Variants in ZNF8 observed in about 807,000 individuals in gnomAD.
ZNF8 encodes the protein zinc finger protein 8, also known as zinc finger protein 272.
ZNF8 carries 9 observed loss-of-function variants against 12.2 expected under a neutral mutation model. That is an observed-to-expected ratio of 0.73 (90% CI 0.44 to 1.28). The LOEUF (loss-of-function observed/expected upper bound fraction) is 1.28, where lower values mean the gene tolerates loss of function less well. ZNF8 is among the 50% of genes most tolerant of loss of function. The pLI, the probability that ZNF8 is intolerant of heterozygous loss-of-function variation, is 0.00. For synonymous variants in ZNF8, 274 were observed against 282.3 expected (o/e 0.97, Z 0.30); for missense variants, 664 against 729.1 (o/e 0.91, Z 1.03).
chr19:58,291,074 C>G (rs1344433995), intron 3 of ZNF8, among the ~76,000 whole-genome samples: 1 of 152,166 alleles, frequency 6.6e-6, no homozygotes. Context: ...CCAGGCAGAT[C>G]CCACTCCCAG....
Position 58,294,735 on chromosome 19 carries a change from A to C in ZNF8, c.927A>C (p.Gly309=), listed in dbSNP as rs570466227. Residue 309 remains glycine, a synonymous_variant, in exon 4 of 4, where the codon GGA becomes GGC. Coordinates refer to ENST00000621650, the MANE Select transcript of ZNF8 (RefSeq NM_021089.3). The surrounding 1 kb of genome is among the most constrained non-coding windows in gnomAD (Gnocchi z 5.5). ...SLVQHERIHT[G]DKPYKCAECG... ...TCCAGCATGAGCGCATCCACACTGGAGACAAGCCCTACAAGTGTGCCGAAT... is the reference window on the plus strand; with the variant it reads ...TCCAGCATGAGCGCATCCACACTGGCGACAAGCCCTACAAGTGTGCCGAAT... 39 of 1,614,098 alleles carry C rather than the reference A, an allele frequency of 2.4e-5. 1 individual carries two copies. The South Asian group carries it at 4.1e-4, about 17-fold the overall frequency.
At position 58,294,202 on chromosome 19, in the gene ZNF8, C is replaced by T. The variant is rs750410656; in HGVS notation, c.394C>T (p.Pro132Ser). 5 of 1,614,058 alleles carry T rather than the reference C, an allele frequency of 3.1e-6. No homozygotes were observed. The African/African-American group carries it at 4.0e-5, about 13-fold the overall frequency. The change falls in exon 4 of 4, where the codon CCT becomes TCT. Residue 132 changes from proline (P) to serine (S), a missense_variant. Pro to Ser is a moderately conservative substitution (Grantham distance 74, BLOSUM62 -1). This residue lies in a region of ZNF8 where 306 missense variants were observed against 308.7 expected (regional missense o/e 0.99). Coordinates refer to ENST00000621650, the MANE Select transcript of ZNF8 (RefSeq NM_021089.3). This position sits in a 1 kb window ranked among gnomAD's most constrained non-coding sequence, Gnocchi z 5.5. ...AAGGGAAGGATTCCCGACAGATGCT[C>T]CTTATCCCACCACGTTAGGGAAAGA... ...TGREGFPTDA[P>S]YPTTLGKDRE...
In ZNF8 at chr19:58,279,113, T is replaced by C. The variant is rs767491576; in HGVS notation, c.32T>C (p.Val11Ala). The C allele has an allele frequency of 1.3e-6, 2 of 1,548,492 alleles. No individual in the cohort carries two copies. Among genetic ancestry groups the C allele is most frequent in the East Asian group, 4.8e-5 (2 of 41,636 alleles). ...CCCGAGGACGAAGGGGTAGCGGGAG[T>C]GATGTCTGTGGGGCCGCCGGCGGCC... Reference protein sequence around the residue: MDPEDEGVAGVMSVGPPAARL... With the variant: MDPEDEGVAGAMSVGPPAARL... The change falls in exon 1 of 4, where the codon GTG becomes GCG. Residue 11 changes from valine (V) to alanine (A), a missense_variant. Coordinates refer to ENST00000621650, the MANE Select transcript of ZNF8 (RefSeq NM_021089.3).
intron 1 of ZNF8, chr19:58,279,698 C>T (rs756252575): frequency 6.5e-7 from 1 of 1,528,704 alleles, no homozygotes; most frequent in East Asian, 2.5e-5. Flanking sequence ...CCAGGGTCGT[C>T]CCCTGCGAGA....
chr19:58,293,894 C>G (rs531314494), intron 3 of ZNF8, among the ~76,000 whole-genome samples: 1 of 152,304 alleles, frequency 6.6e-6, no homozygotes, highest in South Asian at 2.1e-4. Context: ...AGTGCATGGC[C>G]CACAGCAGGT....
intron 3 of ZNF8, among the ~76,000 whole-genome samples, chr19:58,290,745 A>G (rs983151991): frequency 6.6e-6 from 1 of 152,100 alleles, no homozygotes; most frequent in Non-Finnish European, 1.5e-5. Context: ...TGAGCAACAG[A>G]GCATTAAAAA....
chr19:58,279,420 G>T, intron 1 of ZNF8: 1 of 1,447,246 alleles, frequency 6.9e-7, no homozygotes, highest in Admixed American at 2.6e-5. Flanking sequence ...AGAGAATCGA[G>T]CAGGCCCATC....
chr19:58,281,568 C>T (rs2051350757), intron 1 of ZNF8, among the ~76,000 whole-genome samples: 1 of 152,012 alleles, frequency 6.6e-6, no homozygotes. Context: ...TAGGCTGTCA[C>T]CAGTGACTCT....
chr19:58,291,182 C>G (rs1051669384), intron 3 of ZNF8, among the ~76,000 whole-genome samples: 12 of 152,204 alleles, frequency 7.9e-5, no homozygotes, highest in African/African-American at 2.7e-4. Context: ...TACTGGTTCC[C>G]TCTTGCGGTT....
chr19:58,290,896 C>CA (rs892822119), intron 3 of ZNF8, among the ~76,000 whole-genome samples: 1 of 152,054 alleles, frequency 6.6e-6, no homozygotes, highest in South Asian at 2.1e-4. Context: ...ACAAAAAATG[C>CA]AAAAAAATTA....
Position 58,279,096 on chromosome 19 carries a change from C to A in ZNF8, c.15C>A (p.Asp5Glu). The change falls in exon 1 of 4, where the codon GAC becomes GAA. Residue 5 changes from aspartate (D) to glutamate (E), a missense_variant. Transcript: ENST00000621650. Reference sequence around the variant, plus strand: ...GGCGATCCAGCATGGACCCCGAGGACGAAGGGGTAGCGGGAGTGATGTCTG... The same window carrying A: ...GGCGATCCAGCATGGACCCCGAGGAAGAAGGGGTAGCGGGAGTGATGTCTG... The part of the protein sequence containing the change: MDPE[D>E]EGVAGVMSVG... 6.5e-7 allele frequency: 1 copy of A among 1,534,516 alleles called. No individual in the cohort carries two copies.
In ZNF8 at chr19:58,294,332, C is replaced by G; in HGVS notation, c.524C>G (p.Thr175Ser). 2 of 1,614,170 alleles carry G rather than the reference C, an allele frequency of 1.2e-6. No individual in the cohort carries two copies. The highest frequency in any genetic ancestry group is 1.7e-6 in the Non-Finnish European group (2 of 1,180,030). ...CCAGTTCAAGATCAAGGCTACAAAA[C>G]TCTCAGACTCAGGGAAAACTGCGTC... Reference protein sequence around the residue: ...EAPVQDQGYKTLRLRENCVLS... With the variant: ...EAPVQDQGYKSLRLRENCVLS... Residue 175 changes from threonine to serine, a missense_variant, in exon 4 of 4, where the codon ACT becomes AGT. Physicochemically the swap from Thr to Ser is moderately conservative, Grantham distance 58. Transcript: ENST00000621650. The surrounding 1 kb of genome is among the most constrained non-coding windows in gnomAD (Gnocchi z 5.5).
At chr19:58,279,373 G>C (rs1411717059) in intron 1 of ZNF8, 1 of 1,457,204 alleles carries the variant, frequency 6.9e-7, no homozygotes, top group African/African-American at 1.4e-5. Context: ...GCTCCACGCG[G>C]CTCTGTCCTC....
At chr19:58,290,404 G>C (rs1431841090) in intron 3 of ZNF8, among the ~76,000 whole-genome samples, 2 of 152,034 alleles carry the variant, frequency 1.3e-5, no homozygotes, top group Non-Finnish European at 2.9e-5. Context: ...GTGAGCCACC[G>C]CGCCCGGCCA....
At chr19:58,282,502 T>G (rs2051356622) in intron 1 of ZNF8, among the ~76,000 whole-genome samples, 1 of 152,252 alleles carries the variant, frequency 6.6e-6, no homozygotes, top group South Asian at 2.1e-4. Context: ...TCCAATTGAT[T>G]ACATTTAGTT....
At chr19:58,281,039 T>G (rs1167077598) in intron 1 of ZNF8, among the ~76,000 whole-genome samples, 1 of 152,200 alleles carries the variant, frequency 6.6e-6, no homozygotes, top group East Asian at 1.9e-4. Context: ...TTACCATATA[T>G]AGTAATATTC....
chr19:58,290,818 A>G (rs2051414950), intron 3 of ZNF8, among the ~76,000 whole-genome samples: 1 of 152,172 alleles, frequency 6.6e-6, no homozygotes, highest in Non-Finnish European at 1.5e-5. Flanking sequence ...TGGGAGGCCG[A>G]GGCGGGTGGT....
chr19:58,279,602 C>A, intron 1 of ZNF8: 1 of 1,533,914 alleles, frequency 6.5e-7, no homozygotes, highest in Non-Finnish European at 8.7e-7. Context: ...GACCCCAGCA[C>A]CGCGGAGCCC....
chr19:58,279,694 T>G (rs1307864902), intron 1 of ZNF8: 1 of 1,529,526 alleles, frequency 6.5e-7, no homozygotes, highest in Non-Finnish European at 8.7e-7. Flanking sequence ...ACCACCAGGG[T>G]CGTCCCCTGC....
Sources: allele counts gnomAD v4.1 joint callset (sites outside exome capture counted in the v4.1 genomes callset), GRCh38; gene constraint gnomAD v4.1.1; regional missense constraint gnomAD v4.1.1; non-coding constraint Gnocchi (gnomAD v3.1); transcripts MANE v1.5; gene names NCBI Gene and HGNC (gene_info 2026-07-23, HGNC 2026-07-21).